Variants in SCAMP2 observed in about 807,000 individuals in gnomAD.
SCAMP2 encodes the protein secretory carrier-associated membrane protein 2.
In SCAMP2, 25 loss-of-function variants were observed where a neutral mutation model predicts 44.1. The observed-to-expected ratio is 0.57, with a 90% CI of 0.41 to 0.79. The LOEUF (loss-of-function observed/expected upper bound fraction) is 0.79, where lower values mean the gene tolerates loss of function less well. Among genes scored for constraint, SCAMP2 ranks in the 30% least tolerant of loss-of-function variants. The probability of loss-of-function intolerance (pLI) is 0.00; values close to 1 mark genes in which losing one functional copy is unlikely to be tolerated. For synonymous variants in SCAMP2, 156 were observed against 166.0 expected, an observed-to-expected ratio of 0.94 and a Z score of 0.46; for missense variants, 355 against 411.0, an observed-to-expected ratio of 0.86 and a Z score of 1.18.
chr15:74,845,700 G>A, intron 7 of SCAMP2, 107 bp from the exon 8 acceptor site: 1 of 1,375,344 alleles, frequency 7.3e-7, no homozygotes, highest in Admixed American at 1.8e-5. Context: ...CATCACCTTG[G>A]CATCTCCCCA....
intron 1 of SCAMP2, among the ~76,000 whole-genome samples, chr15:74,871,615 G>T (rs910939636): frequency 6.6e-6 from 1 of 151,914 alleles, no homozygotes; most frequent in African/African-American, 2.4e-5. Flanking sequence ...AGCCGGTCGT[G>T]GTGGTGCATG....
At chr15:74,856,264 CTTTTTTTTTTTTTT>C (rs34812536) in intron 1 of SCAMP2, among the ~76,000 whole-genome samples, 3 of 60,408 alleles carry the variant, frequency 5.0e-5, no homozygotes, top group African/African-American at 2.0e-4. Flanking sequence ...AGAGCCAGTT[CTTTTTTTTTTTTTT>C]TTTTTTTTTT....
At chr15:74,848,746 G>A (rs1272809657) in intron 6 of SCAMP2, 45 bp from the exon 7 acceptor site, 1 of 1,398,580 alleles carries the variant, frequency 7.2e-7, no homozygotes, top group Admixed American at 1.8e-5. Flanking sequence ...CTTGGGCTGT[G>A]TTCCTCAGCA....
chr15:74,858,219 A>G (rs1029899454), intron 1 of SCAMP2, among the ~76,000 whole-genome samples: 2 of 152,144 alleles, frequency 1.3e-5, no homozygotes, highest in Admixed American at 6.5e-5. Flanking sequence ...CAATGATGCT[A>G]CTGTGAAATT....
chr15:74,851,214 C>G, intron 5 of SCAMP2, 139 bp downstream of exon 5: 1 of 1,024,284 alleles, frequency 9.8e-7, no homozygotes, highest in South Asian at 1.5e-5. Context: ...GAGGCATCTC[C>G]CCAACCCAGC....
rs1391768958 is a variant in SCAMP2 at position 74,848,477 on chromosome 15, A to C, written c.734+123T>G. The C allele has an allele frequency of 4.7e-6, 3 of 633,990 alleles. No homozygotes were observed. The South Asian group carries it at 6.1e-5, about 13-fold the overall frequency. 39.3% of individuals were successfully genotyped at this position (633,990 alleles called of 1,614,324 possible). On this transcript the variant is annotated intron_variant, in intron 7 of 8. Transcript: ENST00000268099. Reference sequence around the variant, plus strand: ...AAAGCAGATCCGAGCTGGCCCACTCACCCACTCCCCGCCATGGGAAAAGCA... The same window carrying C: ...AAAGCAGATCCGAGCTGGCCCACTCCCCCACTCCCCGCCATGGGAAAAGCA...
chr15:74,845,105 T>C lies in SCAMP2; in HGVS notation c.968A>G (p.Gln323Arg). The C allele has an allele frequency of 6.2e-7, 1 of 1,613,932 alleles. No individual in the cohort carries two copies. The highest frequency in any genetic ancestry group is 8.5e-7 in the Non-Finnish European group (1 of 1,179,914). ...TFHRAASSAA[Q>R]GAFQGN Reference sequence around the variant, plus strand: ...GGACTAATTCCCCTGGAAGGCTCCTTGGGCAGCAGATGAAGCAGCTCTGTG... The same window carrying C: ...GGACTAATTCCCCTGGAAGGCTCCTCGGGCAGCAGATGAAGCAGCTCTGTG... The change falls in exon 9 of 9, where the codon CAA becomes CGA. Residue 323 changes from glutamine to arginine, a missense_variant. Physicochemically the swap from Gln to Arg is conservative, Grantham distance 43. Coordinates refer to ENST00000268099, the MANE Select transcript of SCAMP2 (RefSeq NM_005697.5).
chr15:74,867,017 G>A (rs867220833), intron 1 of SCAMP2, among the ~76,000 whole-genome samples: 1 of 152,094 alleles, frequency 6.6e-6, no homozygotes, highest in Admixed American at 6.6e-5. Context: ...GGCTGGTCTC[G>A]AACTCCTGAC....
At chr15:74,858,818 T>C (rs1335727082) in intron 1 of SCAMP2, among the ~76,000 whole-genome samples, 5 of 144,192 alleles carry the variant, frequency 3.5e-5, no homozygotes, top group Non-Finnish European at 7.6e-5. Context: ...TTTTTTTTTT[T>C]TTTTTTTTTT....
intron 1 of SCAMP2, among the ~76,000 whole-genome samples, chr15:74,868,913 TG>T (rs1185932734): frequency 2.0e-5 from 3 of 152,144 alleles, no homozygotes; most frequent in Non-Finnish European, 4.4e-5. Context: ...CCTAGCACTT[TG>T]GGAGGCTGAG....
chr15:74,845,441 C>T (rs777002891), intron 8 of SCAMP2, 32 bp downstream of exon 8: 8 of 1,613,846 alleles, frequency 5.0e-6, no homozygotes, highest in African/African-American at 2.7e-5. Context: ...TGCCTCCTCC[C>T]ATTTGCTGTC....
intron 7 of SCAMP2, among the ~76,000 whole-genome samples, chr15:74,848,025 C>A (rs1271381638): frequency 6.6e-6 from 1 of 151,744 alleles, no homozygotes. Context: ...AAGCCAAGTT[C>A]ACCCACAATA....
intron 1 of SCAMP2, among the ~76,000 whole-genome samples, chr15:74,864,025 T>C (rs1475712997): frequency 6.6e-6 from 1 of 152,138 alleles, no homozygotes; most frequent in Non-Finnish European, 1.5e-5. Flanking sequence ...GAACCACACT[T>C]GCAAAGCCAC....
At chr15:74,868,166 C>A (rs2064554646) in intron 1 of SCAMP2, among the ~76,000 whole-genome samples, 1 of 152,236 alleles carries the variant, frequency 6.6e-6, no homozygotes, top group Non-Finnish European at 1.5e-5. Context: ...ATCAACAACA[C>A]TTGGCTTGCA....
chr15:74,845,070 G>C lies in SCAMP2; in HGVS notation c.*13C>G, dbSNP rs201118346. On this transcript the variant is annotated 3_prime_UTR_variant, in exon 9 of 9. Coordinates refer to ENST00000268099, the MANE Select transcript of SCAMP2 (RefSeq NM_005697.5). ...GGCGAGAGAAAGGCTGAGGGGGAGA[G>C]AAGAGAGGAGGACTAATTCCCCTGG... The C allele has an allele frequency of 1.2e-6, 2 of 1,610,396 alleles. No homozygotes were observed. Among genetic ancestry groups the C allele is most frequent in the Non-Finnish European group, 1.7e-6 (2 of 1,177,394 alleles).
At chr15:74,865,417 A>G (rs2064536036) in intron 1 of SCAMP2, among the ~76,000 whole-genome samples, 1 of 151,026 alleles carries the variant, frequency 6.6e-6, no homozygotes, top group South Asian at 2.1e-4. Flanking sequence ...AAAAAGAAAG[A>G]AAGGAGTGCC....
At chr15:74,855,088 T>G (rs1164411162) in intron 1 of SCAMP2, among the ~76,000 whole-genome samples, 2 of 151,822 alleles carry the variant, frequency 1.3e-5, no homozygotes, top group African/African-American at 2.4e-5. Context: ...TATTATTCAT[T>G]TATTCCTCTT....
intron 1 of SCAMP2, among the ~76,000 whole-genome samples, chr15:74,862,616 G>A (rs1306408342): frequency 6.6e-6 from 1 of 151,486 alleles, no homozygotes; most frequent in Non-Finnish European, 1.5e-5. Context: ...CAAATGACTG[G>A]TAGAAATATG....
intron 1 of SCAMP2, among the ~76,000 whole-genome samples, chr15:74,861,128 T>C (rs757883771): frequency 1.4e-4 from 21 of 151,124 alleles, no homozygotes; most frequent in Middle Eastern, 3.4e-3. Flanking sequence ...TGAGCCAAGA[T>C]CGTGCCACTG....
Sources: allele counts gnomAD v4.1 joint callset (sites outside exome capture counted in the v4.1 genomes callset), GRCh38; gene constraint gnomAD v4.1.1; transcripts MANE v1.5; gene names NCBI Gene and HGNC (gene_info 2026-07-23, HGNC 2026-07-21).